The following METTL15 variants were observed in gnomAD, a reference collection of about 807,000 sequenced individuals.
METTL15 encodes 12S rRNA N(4)-cytidine methyltransferase METTL15.
In METTL15, 34 loss-of-function variants were observed where a neutral mutation model predicts 38.3. That is an observed-to-expected ratio of 0.89 (90% CI 0.68 to 1.18). The LOEUF is 1.18. Ranked by LOEUF, METTL15 falls within the 50% of genes most tolerant of loss-of-function variation. METTL15 has a pLI of 0.00. For synonymous variants in METTL15, 162 were observed against 170.9 expected (o/e 0.95, Z 0.41); for missense variants, 438 against 498.4 (o/e 0.88, Z 1.15).
At chr11:28,237,674 C>A (rs574666630) in intron 4 of METTL15, among the ~76,000 whole-genome samples, 1 of 152,126 alleles carries the variant, frequency 6.6e-6, no homozygotes, top group African/African-American at 2.4e-5. Flanking sequence ...GGAGGAGAGG[C>A]GCTCTGTTTT....
intron 4 of METTL15, among the ~76,000 whole-genome samples, chr11:28,220,696 G>T (rs1046653686): frequency 6.6e-6 from 1 of 152,142 alleles, no homozygotes; most frequent in African/African-American, 2.4e-5. Context: ...GCAGTGGCTG[G>T]TACCGGTTGT....
chr11:28,518,245 T>A (rs1851735127), intron 6 of METTL15, among the ~76,000 whole-genome samples: 1 of 152,192 alleles, frequency 6.6e-6, no homozygotes, highest in Non-Finnish European at 1.5e-5. Context: ...CCCCTCCACA[T>A]GACACATCTG....
intron 4 of METTL15, among the ~76,000 whole-genome samples, chr11:28,354,038 T>G (rs902909073): frequency 4.0e-5 from 6 of 151,788 alleles, no homozygotes; most frequent in African/African-American, 1.5e-4. Context: ...AGAGAGAAGC[T>G]GGACATATCT....
In METTL15 at chr11:28,348,919, C is replaced by T. The variant is rs1198481093; in HGVS notation, c.*190-3171C>T. Among the ~76,000 whole-genome samples, 6 of 152,084 alleles carry T rather than the reference C, an allele frequency of 3.9e-5. 1 individual carries two copies. The highest frequency in any genetic ancestry group is 1.3e-4 in the Admixed American group (2 of 15,272). ...TCTATTATGAAAGGTGTTCCAGGCT[C>T]ATCACATTCTCAGCCTCAGCCCTGG... On this transcript the variant is annotated intron_variant and NMD_transcript_variant, in intron 3 of 7. Transcript: ENST00000532947.
intron 6 of METTL15, among the ~76,000 whole-genome samples, chr11:28,300,182 A>G (rs952949903): frequency 1.3e-5 from 2 of 152,134 alleles, no homozygotes; most frequent in Non-Finnish European, 2.9e-5. Flanking sequence ...TTGTTTGACA[A>G]ACATGTATTT....
chr11:28,114,172 T>C (rs1160753646), intron 3 of METTL15, among the ~76,000 whole-genome samples: 3 of 152,162 alleles, frequency 2.0e-5, no homozygotes, highest in Non-Finnish European at 4.4e-5. Flanking sequence ...ACCACTAAGC[T>C]ATTTTTTTTG....
At chr11:28,179,226 G>GT (rs1346167502) in intron 3 of METTL15, among the ~76,000 whole-genome samples, 2 of 151,584 alleles carry the variant, frequency 1.3e-5, no homozygotes, top group Non-Finnish European at 3.0e-5. Context: ...ATAATCTTAT[G>GT]TTTTTCCCCC....
intron 6 of METTL15, among the ~76,000 whole-genome samples, chr11:28,307,807 A>G (rs1044425263): frequency 3.3e-5 from 5 of 152,022 alleles, no homozygotes; most frequent in African/African-American, 1.2e-4. Context: ...AGAATTAACA[A>G]AAAATGATCT....
At chr11:28,178,770 C>T (rs906213866) in intron 3 of METTL15, among the ~76,000 whole-genome samples, 3 of 151,668 alleles carry the variant, frequency 2.0e-5, no homozygotes, top group Non-Finnish European at 4.4e-5. Flanking sequence ...ACTTTCAAAT[C>T]TTATTCATTG....
At chr11:28,429,223 A>T (rs1850890129) in intron 6 of METTL15, among the ~76,000 whole-genome samples, 3 of 152,214 alleles carry the variant, frequency 2.0e-5, no homozygotes, top group Admixed American at 1.3e-4. Context: ...TGCTTACAAG[A>T]AACTGCAATG....
intron 4 of METTL15, among the ~76,000 whole-genome samples, chr11:28,239,450 A>T (rs1854189021): frequency 6.6e-6 from 1 of 152,182 alleles, no homozygotes; most frequent in South Asian, 2.1e-4. Flanking sequence ...TCACCTTAGC[A>T]TTACCACCCT....
chr11:28,387,952 A>G (rs1057267814), intron 5 of METTL15, among the ~76,000 whole-genome samples: 5 of 152,164 alleles, frequency 3.3e-5, no homozygotes, highest in African/African-American at 9.6e-5. Flanking sequence ...CAAAATTTAC[A>G]TGATCATCTC....
intron 6 of METTL15, among the ~76,000 whole-genome samples, chr11:28,432,631 C>T (rs1360373805): frequency 1.3e-5 from 2 of 152,230 alleles, no homozygotes; most frequent in African/African-American, 2.4e-5. Flanking sequence ...GGATCTTTCT[C>T]TCACTGAACT....
chr11:28,526,019 G>A (rs559404810), intron 6 of METTL15, among the ~76,000 whole-genome samples: 20 of 152,330 alleles, frequency 1.3e-4, no homozygotes, highest in African/African-American at 3.1e-4. Flanking sequence ...GGGACCTGGC[G>A]CACCCTCTGC....
At chr11:28,249,086 T>C (rs1428285407) in intron 4 of METTL15, among the ~76,000 whole-genome samples, 1 of 152,006 alleles carries the variant, frequency 6.6e-6, no homozygotes, top group African/African-American at 2.4e-5. Context: ...TTTGACTAGA[T>C]AAGTGAGACA....
downstream of METTL15, among the ~76,000 whole-genome samples, chr11:28,527,768 A>G (rs1851821912): frequency 1.3e-5 from 2 of 152,220 alleles, no homozygotes; most frequent in African/African-American, 2.4e-5. Flanking sequence ...GAGGATTAAA[A>G]ACAAGGCAAC....
At chr11:28,455,455 T>C (rs1851160122) in intron 6 of METTL15, among the ~76,000 whole-genome samples, 1 of 152,120 alleles carries the variant, frequency 6.6e-6, no homozygotes, top group Non-Finnish European at 1.5e-5. Context: ...CTCTGTGTCT[T>C]GCGTCTGTAA....
chr11:28,397,675 G>A (rs1190787423), intron 5 of METTL15, among the ~76,000 whole-genome samples: 3 of 152,020 alleles, frequency 2.0e-5, no homozygotes, highest in Non-Finnish European at 4.4e-5. Flanking sequence ...GTGGAAGTCA[G>A]TGTGGCGATT....
intron 4 of METTL15, among the ~76,000 whole-genome samples, chr11:28,219,255 C>A (rs1383258380): frequency 6.6e-6 from 1 of 152,078 alleles, no homozygotes; most frequent in Non-Finnish European, 1.5e-5. Context: ...TTGGTCTATT[C>A]AGAGATTCAA....
Sources: gnomAD v4.1 joint callset for allele counts (sites outside exome capture counted in the v4.1 genomes callset) on GRCh38, gnomAD v4.1.1 for gene constraint, MANE v1.5 for transcripts, NCBI Gene and HGNC (gene_info 2026-07-23, HGNC 2026-07-21) for gene names.